The following NRXN3 variants were observed in gnomAD, a reference collection of about 807,000 sequenced individuals.
NRXN3 encodes the protein neurexin III.
In NRXN3, 32 loss-of-function variants were observed where a neutral mutation model predicts 137.6. The observed-to-expected ratio is 0.23, with a 90% CI of 0.18 to 0.31. NRXN3 has a LOEUF of 0.31. Ranked by LOEUF, NRXN3 falls within the 10% of genes least tolerant of loss-of-function variation. NRXN3 has a pLI of 1.00. For missense variants in NRXN3, 1,574 were observed against 2,062.5 expected, an observed-to-expected ratio of 0.76 and a Z score of 4.59; for synonymous variants, 798 against 784.5, an observed-to-expected ratio of 1.02 and a Z score of -0.29.
intron 15 of NRXN3, among the ~76,000 whole-genome samples, chr14:79,331,316 A>G (rs999877435): frequency 6.6e-6 from 1 of 152,162 alleles, no homozygotes; most frequent in African/African-American, 2.4e-5. Flanking sequence ...TTATATTCCT[A>G]ACCTCTCCAC....
chr14:78,603,460 A>C (rs1170609734), intron 4 of NRXN3, among the ~76,000 whole-genome samples: 1 of 152,194 alleles, frequency 6.6e-6, no homozygotes, highest in Non-Finnish European at 1.5e-5. Context: ...ACACAGAGCA[A>C]GTGTAGAGTA....
At chr14:79,304,243 C>T (rs979392435) in intron 15 of NRXN3, among the ~76,000 whole-genome samples, 52 of 151,952 alleles carry the variant, frequency 3.4e-4, no homozygotes, top group African/African-American at 1.1e-3. Flanking sequence ...GTCGGAGTTC[C>T]CAAATACATG....
intron 15 of NRXN3, among the ~76,000 whole-genome samples, chr14:78,992,058 C>G (rs114709092): frequency 1.5e-4 from 23 of 152,260 alleles, no homozygotes; most frequent in African/African-American, 5.5e-4. Flanking sequence ...GGTTAGGAAA[C>G]AAAAATCCTC....
chr14:79,323,840 A>G (rs1038862605), intron 15 of NRXN3, among the ~76,000 whole-genome samples: 3 of 152,202 alleles, frequency 2.0e-5, no homozygotes, highest in African/African-American at 7.2e-5. Context: ...CCTGGGCAAC[A>G]GAGTGAGACT....
At chr14:78,451,283 C>G (rs1026038076) in intron 4 of NRXN3, among the ~76,000 whole-genome samples, 1 of 152,168 alleles carries the variant, frequency 6.6e-6, no homozygotes, top group African/African-American at 2.4e-5. Flanking sequence ...CCTCCTGTGT[C>G]TTTATACATT....
chr14:79,674,685 G>A (rs1353213446), intron 17 of NRXN3, among the ~76,000 whole-genome samples: 1 of 151,914 alleles, frequency 6.6e-6, no homozygotes, highest in Non-Finnish European at 1.5e-5. Flanking sequence ...ACATGCAAAT[G>A]TACTATTATT....
At chr14:78,351,614 G>A (rs1356008825) in intron 4 of NRXN3, among the ~76,000 whole-genome samples, 1 of 151,950 alleles carries the variant, frequency 6.6e-6, no homozygotes, top group East Asian at 1.9e-4. Flanking sequence ...TTTTCTGTGA[G>A]TTATTTGTTC....
intron 4 of NRXN3, among the ~76,000 whole-genome samples, chr14:78,318,508 A>G (rs377361176): frequency 1.4e-4 from 21 of 152,256 alleles, no homozygotes; most frequent in African/African-American, 4.8e-4. Context: ...CAAATGCCTC[A>G]CCTCATTCAC....
chr14:79,342,784 A>T (rs747716294), intron 15 of NRXN3, among the ~76,000 whole-genome samples: 2 of 152,148 alleles, frequency 1.3e-5, no homozygotes, highest in Non-Finnish European at 2.9e-5. Flanking sequence ...TAACCGCCCA[A>T]TGGGTTCACC....
chr14:78,833,057 G>T (rs2098986937), intron 10 of NRXN3, among the ~76,000 whole-genome samples: 1 of 152,188 alleles, frequency 6.6e-6, no homozygotes, highest in African/African-American at 2.4e-5. Flanking sequence ...CCATGAGGCT[G>T]AGGCTCCTCT....
At chr14:79,483,046 GA>G (rs1377862933) in intron 16 of NRXN3, among the ~76,000 whole-genome samples, 4 of 152,176 alleles carry the variant, frequency 2.6e-5, no homozygotes, top group Non-Finnish European at 5.9e-5. Flanking sequence ...GCAAACATTG[GA>G]CTGAAACAGA....
chr14:79,710,251 C>CACTT (rs1472782538), intron 19 of NRXN3, among the ~76,000 whole-genome samples: 2 of 151,974 alleles, frequency 1.3e-5, no homozygotes, highest in African/African-American at 2.4e-5. Context: ...TATCCCTGAC[C>CACTT]ACTTATGCAA....
At chr14:79,609,809 G>T (rs2098076029) in intron 16 of NRXN3, among the ~76,000 whole-genome samples, 1 of 152,152 alleles carries the variant, frequency 6.6e-6, no homozygotes, top group African/African-American at 2.4e-5. Flanking sequence ...TTTGTAGAGA[G>T]ATTTTTTGAA....
intron 20 of NRXN3, chr14:79,854,008 T>C (rs2099397265): frequency 1.0e-6 from 1 of 984,286 alleles, no homozygotes; most frequent in African/African-American, 1.7e-5. Flanking sequence ...GTGGTGTGGA[T>C]GTATGTGTTG....
intron 14 of NRXN3, among the ~76,000 whole-genome samples, chr14:78,969,171 G>T (rs1328572741): frequency 6.6e-6 from 1 of 151,562 alleles, no homozygotes; most frequent in Non-Finnish European, 1.5e-5. Context: ...TAATAATACT[G>T]CATGTCTACC....
At chr14:78,785,325 G>A (rs528394661) in intron 8 of NRXN3, among the ~76,000 whole-genome samples, 15 of 152,212 alleles carry the variant, frequency 9.9e-5, no homozygotes, top group Middle Eastern at 3.4e-3. Flanking sequence ...TCATAAAGAC[G>A]GCTCCAAGAG....
chr14:78,479,562 T>C (rs1326409312), intron 4 of NRXN3, among the ~76,000 whole-genome samples: 1 of 152,192 alleles, frequency 6.6e-6, no homozygotes, highest in Non-Finnish European at 1.5e-5. Flanking sequence ...AGAACATACT[T>C]ATTAAAATGC....
intron 4 of NRXN3, among the ~76,000 whole-genome samples, chr14:78,310,676 A>G (rs765779207): frequency 2.0e-5 from 3 of 152,142 alleles, no homozygotes; most frequent in Non-Finnish European, 2.9e-5. Context: ...ACCTAGGGTC[A>G]GCATTATGGA....
chr14:78,803,691 G>A lies in NRXN3; in HGVS notation c.2116G>A (p.Ala706Thr). Residue 706 changes from alanine to threonine, a missense_variant, in exon 9 of 21, where the codon GCA becomes ACA. This residue lies in a region of NRXN3 where 718 missense variants were observed against 887.6 expected (regional missense o/e 0.81). Coordinates refer to ENST00000335750, the MANE Select transcript of NRXN3 (RefSeq NM_001330195.2). Reference sequence around the variant, plus strand: ...CATGCCCATGGTCATGCATACTGAGGCAGAGGATGTGTCCTTCCGCTTCAT... The same window carrying A: ...CATGCCCATGGTCATGCATACTGAGACAGAGGATGTGTCCTTCCGCTTCAT... ...IIMPMVMHTE[A>T]EDVSFRFMSQ... is the part of the protein sequence containing the mutation. The A allele has an allele frequency of 1.9e-6, 3 of 1,614,142 alleles. No homozygotes were observed. The highest frequency in any genetic ancestry group is 2.5e-6 in the Non-Finnish European group (3 of 1,180,008).
Sources: gnomAD v4.1 joint callset for allele counts (sites outside exome capture counted in the v4.1 genomes callset) on GRCh38, gnomAD v4.1.1 for gene constraint, gnomAD v4.1.1 regional missense constraint, MANE v1.5 for transcripts, NCBI Gene and HGNC (gene_info 2026-07-23, HGNC 2026-07-21) for gene names.